MGAT4D: variants seen among roughly 807,000 people sequenced by gnomAD.
MGAT4D encodes the protein alpha-1,3-mannosyl-glycoprotein 4-beta-N-acetylglucosaminyltransferase-like protein MGAT4D.
MGAT4D carries 34 observed loss-of-function variants against 15.9 expected under a neutral mutation model. That is an observed-to-expected ratio of 2.14 (90% CI 1.62 to 2.84). The LOEUF is 2.84. Ranked by LOEUF, MGAT4D falls within the 30% of genes most tolerant of loss-of-function variation. The pLI, the probability that MGAT4D is intolerant of heterozygous loss-of-function variation, is 0.00. For synonymous variants in MGAT4D, 112 were observed against 48.2 expected, an observed-to-expected ratio of 2.33 and a Z score of -5.49; for missense variants, 327 against 140.2, an observed-to-expected ratio of 2.33 and a Z score of -6.73.
At chr4:140,471,261 T>C (rs149261792) in intron 5 of MGAT4D, among the ~76,000 whole-genome samples, 2 of 151,504 alleles carry the variant, frequency 1.3e-5, no homozygotes, top group East Asian at 3.9e-4. Context: ...CTTCCTTCCT[T>C]CCTTCCTTCC....
chr4:140,480,459 A>C (rs1732627904), intron 2 of MGAT4D, among the ~76,000 whole-genome samples: 2 of 152,192 alleles, frequency 1.3e-5, no homozygotes, highest in South Asian at 4.1e-4. Context: ...AATACAAAAA[A>C]CAAAACAATA....
chr4:140,453,236 C>T (rs1004854114), intron 9 of MGAT4D, among the ~76,000 whole-genome samples: 20 of 151,942 alleles, frequency 1.3e-4, no homozygotes, highest in Middle Eastern at 3.2e-3. Flanking sequence ...AGATCTATTT[C>T]GTTTGTCTTC....
Position 140,487,765 on chromosome 4 carries a change from T to C in MGAT4D, c.95-5280A>G, listed in dbSNP as rs182574648. On this transcript the variant is annotated intron_variant, in intron 1 of 10. Coordinates refer to ENST00000511113, the MANE Select transcript of MGAT4D (RefSeq NM_001277353.2). ...TTTGCACAATTTCAGTTATTAAATGTAGACTCAAACTAGTTAACATAAAAT... is the reference window on the plus strand; with the variant it reads ...TTTGCACAATTTCAGTTATTAAATGCAGACTCAAACTAGTTAACATAAAAT... Among the ~76,000 whole-genome samples the C allele has an allele frequency of 2.7e-3, 418 of 152,306 alleles. 2 individuals carry two copies. Among genetic ancestry groups the C allele is most frequent in the Non-Finnish European group, 4.6e-3 (314 of 68,028 alleles).
intron 7 of MGAT4D, among the ~76,000 whole-genome samples, chr4:140,461,092 A>G (rs1366675361): frequency 6.6e-6 from 1 of 152,156 alleles, no homozygotes; most frequent in Non-Finnish European, 1.5e-5. Flanking sequence ...ATTATGCATA[A>G]TCTGTAGACT....
At chr4:140,467,029 T>TG (rs1485366629) in intron 5 of MGAT4D, among the ~76,000 whole-genome samples, 1 of 152,040 alleles carries the variant, frequency 6.6e-6, no homozygotes, top group East Asian at 1.9e-4. Flanking sequence ...CTTAAAAACT[T>TG]GGGGGGAAAG....
chr4:140,487,535 CA>C (rs1206956001), intron 1 of MGAT4D, among the ~76,000 whole-genome samples: 2 of 152,106 alleles, frequency 1.3e-5, no homozygotes, highest in African/African-American at 4.8e-5. Flanking sequence ...TAATTTTAAA[CA>C]ATATATTTTA....
chr4:140,456,166 CT>C (rs1578647790), intron 9 of MGAT4D, among the ~76,000 whole-genome samples: 2 of 152,040 alleles, frequency 1.3e-5, no homozygotes, highest in African/African-American at 4.8e-5. Context: ...TGCAAATCTC[CT>C]TTGATTTGTG....
At chr4:140,448,831 T>C (rs1486307381) in intron 10 of MGAT4D, among the ~76,000 whole-genome samples, 1 of 152,240 alleles carries the variant, frequency 6.6e-6, no homozygotes, top group Non-Finnish European at 1.5e-5. Flanking sequence ...TGAGTGTGGG[T>C]ATTCTTTTCA....
chr4:140,481,266 T>C (rs1037441346), intron 2 of MGAT4D, among the ~76,000 whole-genome samples: 1 of 152,164 alleles, frequency 6.6e-6, no homozygotes, highest in Non-Finnish European at 1.5e-5. Flanking sequence ...ATTGCACCAT[T>C]GCCCTCTAGC....
chr4:140,486,832 T>G (rs1042218417), intron 1 of MGAT4D, among the ~76,000 whole-genome samples: 4 of 152,210 alleles, frequency 2.6e-5, no homozygotes, highest in Non-Finnish European at 4.4e-5. Context: ...CCTTAAATAT[T>G]CATATTGTAG....
intron 5 of MGAT4D, among the ~76,000 whole-genome samples, chr4:140,470,087 G>A (rs1033099531): frequency 5.3e-5 from 8 of 152,222 alleles, no homozygotes; most frequent in Non-Finnish European, 1.2e-4. Context: ...CTATCTCCAG[G>A]GCCTCTGATC....
At chr4:140,492,835 A>G (rs1733592644) in intron 1 of MGAT4D, among the ~76,000 whole-genome samples, 1 of 152,208 alleles carries the variant, frequency 6.6e-6, no homozygotes, top group African/African-American at 2.4e-5. Flanking sequence ...TGAATAACCG[A>G]AAGTGACCAA....
intron 10 of MGAT4D, among the ~76,000 whole-genome samples, chr4:140,444,256 A>G (rs1219411618): frequency 6.6e-6 from 1 of 152,020 alleles, no homozygotes; most frequent in Non-Finnish European, 1.5e-5. Context: ...GTACATGTGT[A>G]GGTTTGTTAT....
At chr4:140,454,093 C>T (rs928730223) in intron 9 of MGAT4D, among the ~76,000 whole-genome samples, 10 of 151,962 alleles carry the variant, frequency 6.6e-5, no homozygotes, top group East Asian at 1.9e-4. Context: ...TTTCAATTCA[C>T]GTGCCTTTGT....
chr4:140,471,286 C>CCT (rs1299090943), intron 5 of MGAT4D, among the ~76,000 whole-genome samples: 14 of 142,924 alleles, frequency 9.8e-5, no homozygotes, highest in Non-Finnish European at 1.5e-4. Context: ...TTCCTTCCTT[C>CCT]TCTCTCTTTT....
chr4:140,485,999 T>G (rs1733103064), intron 1 of MGAT4D, among the ~76,000 whole-genome samples: 1 of 151,918 alleles, frequency 6.6e-6, no homozygotes, highest in Admixed American at 6.6e-5. Flanking sequence ...TCATCACACT[T>G]AGAAAAATAA....
chr4:140,471,486 A>G (rs1731956703), intron 5 of MGAT4D, among the ~76,000 whole-genome samples: 1 of 152,158 alleles, frequency 6.6e-6, no homozygotes, highest in African/African-American at 2.4e-5. Flanking sequence ...GGATACAGGA[A>G]TGTTTTAAAA....
intron 1 of MGAT4D, among the ~76,000 whole-genome samples, chr4:140,486,227 T>C (rs566200555): frequency 6.6e-6 from 1 of 152,070 alleles, no homozygotes; most frequent in South Asian, 2.1e-4. Flanking sequence ...TATCCTTTCA[T>C]TGTTTTATCA....
At chr4:140,446,451 T>G (rs924416288) in intron 10 of MGAT4D, among the ~76,000 whole-genome samples, 3 of 152,196 alleles carry the variant, frequency 2.0e-5, no homozygotes, top group African/African-American at 7.2e-5. Flanking sequence ...CTAGTTTGTG[T>G]GCATAGAGGT....
Sources: gnomAD v4.1 joint callset for allele counts (sites outside exome capture counted in the v4.1 genomes callset) on GRCh38, gnomAD v4.1.1 for gene constraint, MANE v1.5 for transcripts, NCBI Gene and HGNC (gene_info 2026-07-23, HGNC 2026-07-21) for gene names.